Variants in SHISA9 observed in about 807,000 individuals in gnomAD.
The protein encoded by SHISA9 is protein shisa-9.
In SHISA9, 13 loss-of-function variants were observed where a neutral mutation model predicts 38.0. The observed-to-expected ratio is 0.34, with a 90% CI of 0.22 to 0.54. The LOEUF is 0.54. SHISA9 is among the 20% of genes least tolerant of loss of function. SHISA9 has a pLI of 0.91. For synonymous variants in SHISA9, 275 were observed against 242.0 expected (o/e 1.14, Z -1.27); for missense variants, 538 against 575.8 (o/e 0.93, Z 0.67).
chr16:13,313,626 GGA>G, the SHISA9 span, among the ~76,000 whole-genome samples: 1 of 152,232 alleles, frequency 6.6e-6, no homozygotes, highest in East Asian at 1.9e-4. Flanking sequence ...CTATTGAAAA[GGA>G]AACATTGTTT....
At chr16:13,280,455 C>T in the SHISA9 span, among the ~76,000 whole-genome samples, 1 of 151,668 alleles carries the variant, frequency 6.6e-6, no homozygotes, top group African/African-American at 2.4e-5. Flanking sequence ...CCTCTAAGGA[C>T]TGCTTTCATT....
chr16:13,027,952 AAAG>A (rs2072945155), intron 2 of SHISA9, among the ~76,000 whole-genome samples: 1 of 151,244 alleles, frequency 6.6e-6, no homozygotes, highest in African/African-American at 2.4e-5. Context: ...AAAAAAAAAA[AAAG>A]AATGTATACT....
intron 2 of SHISA9, among the ~76,000 whole-genome samples, chr16:13,043,500 GT>G (rs1249937593): frequency 2.0e-5 from 3 of 152,178 alleles, no homozygotes; most frequent in Admixed American, 2.0e-4. Flanking sequence ...AGTAATTGCA[GT>G]TTTTGCCATG....
the SHISA9 span, among the ~76,000 whole-genome samples, chr16:13,336,294 C>G: frequency 6.6e-6 from 1 of 152,174 alleles, no homozygotes; most frequent in South Asian, 2.1e-4. Flanking sequence ...AATAGCCAGT[C>G]AAGATCTTGG....
intron 2 of SHISA9, among the ~76,000 whole-genome samples, chr16:13,024,143 A>C (rs2072891953): frequency 6.6e-6 from 1 of 152,230 alleles, no homozygotes; most frequent in Non-Finnish European, 1.5e-5. Context: ...AGAAGTTCAG[A>C]GAAGGTATAC....
At chr16:13,025,221 T>G (rs1000102633) in intron 2 of SHISA9, among the ~76,000 whole-genome samples, 1 of 152,234 alleles carries the variant, frequency 6.6e-6, no homozygotes, top group Non-Finnish European at 1.5e-5. Context: ...ATTATTACTT[T>G]CCTCTATCTT....
At chr16:13,192,692 G>A (rs1006606745) in intron 2 of SHISA9, among the ~76,000 whole-genome samples, 10 of 152,076 alleles carry the variant, frequency 6.6e-5, no homozygotes, top group East Asian at 3.9e-4. Context: ...TGACTAACAC[G>A]GTGAAACCCC....
chr16:13,045,761 A>C (rs56057762), intron 2 of SHISA9, among the ~76,000 whole-genome samples: 115 of 23,456 alleles, frequency 4.9e-3, no homozygotes, highest in Admixed American at 0.027. Flanking sequence ...CCCTGCCCCC[A>C]CTGTGTCCCC....
intron 2 of SHISA9, among the ~76,000 whole-genome samples, chr16:13,011,689 T>C (rs1282154556): frequency 1.3e-5 from 2 of 152,058 alleles, no homozygotes; most frequent in Non-Finnish European, 2.9e-5. Context: ...GCCTGGCTAA[T>C]TTTTTGTATT....
chr16:13,407,859 T>C, the SHISA9 span, among the ~76,000 whole-genome samples: 60 of 152,330 alleles, frequency 3.9e-4, no homozygotes, highest in Middle Eastern at 3.4e-3. Context: ...AATTCAGTGA[T>C]GTTTGGTGCT....
At chr16:13,149,911 C>A (rs1596683475) in intron 2 of SHISA9, among the ~76,000 whole-genome samples, 6 of 124,060 alleles carry the variant, frequency 4.8e-5, no homozygotes, top group Admixed American at 2.7e-4. Context: ...GGTGATAGAG[C>A]AATACTCCAT....
the SHISA9 span, among the ~76,000 whole-genome samples, chr16:13,477,316 G>A: frequency 6.6e-6 from 1 of 152,144 alleles, no homozygotes; most frequent in East Asian, 1.9e-4. Context: ...CACAGACTGG[G>A]CAAAAGTTAT....
In SHISA9 at chr16:13,198,735, T is replaced by C. The variant is rs192988991; in HGVS notation, c.692-4659T>C. 1.6e-3 allele frequency among the ~76,000 whole-genome samples: 248 copies of C among 152,358 alleles called. 2 individuals are homozygous for C. The highest frequency in any genetic ancestry group is 5.7e-3 in the African/African-American group (235 of 41,580). On this transcript the variant is annotated intron_variant, in intron 2 of 4. Transcript: ENST00000558583. ...ATGTCTGTTTAATAAATTTTGTTTG[T>C]TGCCCTGAAACTGGATTTTAATATT...
chr16:13,523,446 C>G, the SHISA9 span, among the ~76,000 whole-genome samples: 3 of 152,126 alleles, frequency 2.0e-5, no homozygotes, highest in Middle Eastern at 3.2e-3. Flanking sequence ...CAAAGAAATA[C>G]CTGAGACTGG....
chr16:13,355,862 A>C, the SHISA9 span, among the ~76,000 whole-genome samples: 12 of 152,194 alleles, frequency 7.9e-5, no homozygotes, highest in East Asian at 2.3e-3. Flanking sequence ...TCTGGGAAGG[A>C]GTCAGTCAGA....
At chr16:13,497,219 C>A in the SHISA9 span, among the ~76,000 whole-genome samples, 1 of 151,752 alleles carries the variant, frequency 6.6e-6, no homozygotes, top group South Asian at 2.1e-4. Flanking sequence ...TACATGTTTA[C>A]GATGTGGAAT....
chr16:13,042,385 A>G (rs1157815968), intron 2 of SHISA9, among the ~76,000 whole-genome samples: 3 of 152,232 alleles, frequency 2.0e-5, no homozygotes, highest in Non-Finnish European at 4.4e-5. Context: ...GCTTGGCTGC[A>G]ATGAATGGAA....
chr16:13,321,204 C>T, the SHISA9 span, among the ~76,000 whole-genome samples: 1 of 152,318 alleles, frequency 6.6e-6, no homozygotes, highest in East Asian at 1.9e-4. Context: ...CATCCATCTA[C>T]AGGTGGCAAT....
chr16:13,322,322 G>A, the SHISA9 span, among the ~76,000 whole-genome samples: 78 of 152,304 alleles, frequency 5.1e-4, no homozygotes, highest in South Asian at 2.9e-3. Context: ...AAGCTGCCAA[G>A]GCCTCTGGAG....
Sources: gnomAD v4.1 joint callset for allele counts (sites outside exome capture counted in the v4.1 genomes callset) on GRCh38, gnomAD v4.1.1 for gene constraint, MANE v1.5 for transcripts, NCBI Gene and HGNC (gene_info 2026-07-23, HGNC 2026-07-21) for gene names.